ANGEL1: variants seen among roughly 807,000 people sequenced by gnomAD.
The protein encoded by ANGEL1 is angel homolog 1.
Under a neutral mutation model 76.4 loss-of-function variants are expected in ANGEL1, and 62 were observed. That is an observed-to-expected ratio of 0.81 (90% CI 0.66 to 1.00). The LOEUF (loss-of-function observed/expected upper bound fraction) is 1.00, where lower values mean the gene tolerates loss of function less well. Among genes scored for constraint, ANGEL1 ranks in the 50% least tolerant of loss-of-function variants. The pLI, the probability that ANGEL1 is intolerant of heterozygous loss-of-function variation, is 0.00. For missense variants in ANGEL1, 737 were observed against 836.7 expected (o/e 0.88, Z 1.47); for synonymous variants, 340 against 331.7 (o/e 1.03, Z -0.27).
chr14:76,805,145 G>A (rs8003708), intron 5 of ANGEL1, among the ~76,000 whole-genome samples: 33,584 of 151,916 alleles, frequency 0.22, 3,999 homozygotes, highest in Middle Eastern at 0.33. Flanking sequence ...CACTTTACAC[G>A]CATTATTTTA....
chr14:76,812,736 C>G, intron 1 of ANGEL1, 28 bp downstream of exon 1: 1 of 1,503,864 alleles, frequency 6.6e-7, no homozygotes, highest in Non-Finnish European at 8.8e-7. Flanking sequence ...TGGCCGGGCT[C>G]CTGTCTGTCG....
At chr14:76,797,576 G>A (rs1353425857) in intron 7 of ANGEL1, among the ~76,000 whole-genome samples, 1 of 152,042 alleles carries the variant, frequency 6.6e-6, no homozygotes, top group Non-Finnish European at 1.5e-5. Context: ...CTCCAGCCCG[G>A]GTGACAGAGT....
rs114237879 is a variant in ANGEL1 at position 76,807,458 on chromosome 14, C to G, written c.921G>C (p.Gln307His). The G allele has an allele frequency of 9.5e-5, 154 of 1,613,278 alleles. 1 individual carries two copies. The African/African-American group carries it at 1.7e-3, about 18-fold the overall frequency. ...QEVQEDHYWEQLEPSLRMMGF... is the reference protein window; with the variant it reads ...QEVQEDHYWEHLEPSLRMMGF... ...CCATCATTCGCAGAGAGGGTTCCAGCTGCTCCCAGTAATGATCTTCCTGGA... is the reference window on the plus strand; with the variant it reads ...CCATCATTCGCAGAGAGGGTTCCAGGTGCTCCCAGTAATGATCTTCCTGGA... The change falls in exon 4 of 10, where the codon CAG (glutamine) becomes CAC (histidine). Residue 307 changes from glutamine to histidine, a missense_variant. This residue lies in a region of ANGEL1 where 441 missense variants were observed against 449.5 expected (regional missense o/e 0.98). Coordinates refer to ENST00000251089, the MANE Select transcript of ANGEL1 (RefSeq NM_015305.4).
chr14:76,806,243 C>T (rs1290351972), intron 5 of ANGEL1, among the ~76,000 whole-genome samples, 173 bp downstream of exon 5: 1 of 152,162 alleles, frequency 6.6e-6, no homozygotes, highest in Non-Finnish European at 1.5e-5. Flanking sequence ...CCGAAGTACT[C>T]AAGAATTCTT....
chr14:76,807,985 G>T lies in ANGEL1; in HGVS notation c.813C>A (p.Asp271Glu). 1 of 1,614,200 alleles carries T rather than the reference G, an allele frequency of 6.2e-7. No homozygotes were observed. Among genetic ancestry groups the T allele is most frequent in the Non-Finnish European group, 8.5e-7 (1 of 1,180,032 alleles). The change falls in exon 3 of 10, where the codon GAC becomes GAA. Residue 271 changes from aspartate to glutamate, a missense_variant. Coordinates refer to ENST00000251089, the MANE Select transcript of ANGEL1 (RefSeq NM_015305.4). The stretch of plus-strand genomic sequence containing the variant: ...CGAAGCGATAGTTCCAATTGAGGAT[G>T]TCTGGATGGCAATGTAGATAGAGCT... ...SSELYLHCHPDILNWNYRFVN... is the reference protein window; with the variant it reads ...SSELYLHCHPEILNWNYRFVN...
At chr14:76,790,534 G>A (rs2140206712) in intron 9 of ANGEL1, 77 bp downstream of exon 9, 1 of 1,534,208 alleles carries the variant, frequency 6.5e-7, no homozygotes, top group African/African-American at 1.4e-5. Context: ...CTGAAGACAT[G>A]CTACCAAATG....
chr14:76,790,555 C>G (rs1333918333), intron 9 of ANGEL1, 56 bp downstream of exon 9: 27 of 1,560,638 alleles, frequency 1.7e-5, no homozygotes, highest in Non-Finnish European at 2.3e-5. Flanking sequence ...CCTGACCTAC[C>G]ATTAGCTGTT....
At chr14:76,793,398 G>T (rs1355983868) in intron 7 of ANGEL1, among the ~76,000 whole-genome samples, 1 of 48,574 alleles carries the variant, frequency 2.1e-5, no homozygotes, top group African/African-American at 8.2e-5. Context: ...GAGAGGAGGG[G>T]AGAGGGGATA....
intron 6 of ANGEL1, 67 bp downstream of exon 6, chr14:76,803,719 G>T (rs567762751): frequency 6.5e-6 from 10 of 1,542,530 alleles, no homozygotes; most frequent in Middle Eastern, 2.4e-4. Flanking sequence ...TCTTGTCGTT[G>T]AGACACCAGC....
At position 76,809,095 on chromosome 14, in the gene ANGEL1, G is replaced by T. The variant is rs1314420232; in HGVS notation, c.613C>A (p.Gln205Lys). The T allele has an allele frequency of 6.2e-6, 10 of 1,613,930 alleles. No individual in the cohort carries two copies. The highest frequency in any genetic ancestry group is 8.5e-6 in the Non-Finnish European group (10 of 1,179,914). Residue 205 changes from glutamine to lysine, a missense_variant, in exon 2 of 10, where the codon CAG becomes AAG. Transcript: ENST00000251089. ...ATTTCCACTGCGGGAGGCTGCAACT[G>T]CCCCAGGCCCTCAAAGGGCCAGATG... The part of the protein sequence containing the change: ...ASIWPFEGLG[Q>K]LQPPAVEIPY...
intron 8 of ANGEL1, among the ~76,000 whole-genome samples, chr14:76,791,027 A>G (rs565488118): frequency 4.9e-4 from 74 of 152,072 alleles, no homozygotes; most frequent in East Asian, 9.6e-4. Flanking sequence ...AGTATCCCCA[A>G]TGTACCCCTG....
Position 76,786,330 on chromosome 14 carries a change from T to C in ANGEL1, c.*2898A>G, listed in dbSNP as rs1200571900. ...GGCATGCGCCATCACGCCCGGCTAA[T>C]TTTGTATTTTTAGTAGAGACGGGAT... On this transcript the variant is annotated 3_prime_UTR_variant, in exon 10 of 10. Transcript: ENST00000251089. 1 of 152,060 alleles carries C rather than the reference T, an allele frequency of 6.6e-6. No homozygotes were observed. The highest frequency in any genetic ancestry group is 1.9e-4 in the East Asian group (1 of 5,184). The allele number at this position is 152,060 out of a possible 1,614,324, so 9.4% of individuals were successfully genotyped here. A position where few individuals can be genotyped will look rare whatever the true frequency, so the allele number is the denominator to read the frequency against.
At chr14:76,812,718 G>T (rs757126585) in intron 1 of ANGEL1, 46 bp downstream of exon 1, 1 of 1,483,382 alleles carries the variant, frequency 6.7e-7, no homozygotes, top group East Asian at 2.7e-5. Flanking sequence ...CCCCGCAGAG[G>T]CGAGCCCTGG....
intron 4 of ANGEL1, among the ~76,000 whole-genome samples, chr14:76,807,146 T>C (rs2140228630): frequency 6.6e-6 from 1 of 152,354 alleles, no homozygotes; most frequent in Middle Eastern, 3.4e-3. Flanking sequence ...CTTTGTAGCT[T>C]TGTGATTCTG....
chr14:76,789,269 A>C lies in ANGEL1; in HGVS notation c.1972T>G (p.Cys658Gly), dbSNP rs755730614. The C allele has an allele frequency of 5.6e-6, 9 of 1,614,124 alleles. No homozygotes were observed. The highest frequency in any genetic ancestry group is 6.8e-6 in the Non-Finnish European group (8 of 1,180,038). ...PNPFCSSDHL[C>G]LLASFGMEVT... ...TCCATCCCGAAGCTGGCTAGCAGGC[A>C]GAGGTGGTCTGAAGAGCAGAAGGGG... The change falls in exon 10 of 10, where the codon TGC (cysteine) becomes GGC (glycine). Residue 658 changes from cysteine (C) to glycine (G), a missense_variant. Transcript: ENST00000251089.
chr14:76,812,746 G>A lies in ANGEL1; in HGVS notation c.64+18C>T, dbSNP rs1273189519. 2.6e-6 allele frequency: 4 copies of A among 1,509,512 alleles called. No individual in the cohort carries two copies. The highest frequency in any genetic ancestry group is 2.9e-5 in the African/African-American group (2 of 69,682). 93.5% of individuals were successfully genotyped at this position (1,509,512 alleles called of 1,614,324 possible). A position where few individuals can be genotyped will look rare whatever the true frequency, so the allele number is the denominator to read the frequency against. On this transcript the variant is annotated intron_variant, in intron 1 of 9. Coordinates refer to ENST00000251089, the MANE Select transcript of ANGEL1 (RefSeq NM_015305.4). ...AGCCCTGGCCGGGCTCCTGTCTGTC[G>A]GTACGCCTGGCCGGTACCTGAGAGG...
chr14:76,810,336 G>A (rs1183479678), intron 1 of ANGEL1: 3 of 395,952 alleles, frequency 7.6e-6, no homozygotes, highest in Non-Finnish European at 1.0e-5. Flanking sequence ...TGAGAGGATT[G>A]CTTGAGCCCA....
rs1894727635 is a variant in ANGEL1 at position 76,800,476 on chromosome 14, A to G, written c.1618+2895T>C. Among the ~76,000 whole-genome samples the G allele has an allele frequency of 2.0e-5, 3 of 152,368 alleles. No individual in the cohort carries two copies. In the South Asian group the frequency reaches 6.2e-4, roughly 32 times the overall value. On this transcript the variant is annotated intron_variant, in intron 7 of 9. Transcript: ENST00000251089. ...TTGCTCTGTGCAAAATGCCAATTCAAGTTAAATTCTTACAAGAAGAGAATA... is the reference window on the plus strand; with the variant it reads ...TTGCTCTGTGCAAAATGCCAATTCAGGTTAAATTCTTACAAGAAGAGAATA...
intron 9 of ANGEL1, among the ~76,000 whole-genome samples, chr14:76,789,639 G>C (rs1356090967): frequency 1.3e-5 from 2 of 151,668 alleles, no homozygotes; most frequent in Non-Finnish European, 2.9e-5. Context: ...ACCATTATAA[G>C]ATCTTTTGAT....
Sources: gnomAD v4.1 joint callset for allele counts (sites outside exome capture counted in the v4.1 genomes callset) on GRCh38, gnomAD v4.1.1 for gene constraint, gnomAD v4.1.1 regional missense constraint, MANE v1.5 for transcripts, NCBI Gene and HGNC (gene_info 2026-07-23, HGNC 2026-07-21) for gene names.